The following DAB2 variants were observed in gnomAD, a reference collection of about 807,000 sequenced individuals.
The protein encoded by DAB2 is DAB adaptor protein 2, also known as disabled homolog 2.
DAB2 carries 28 observed loss-of-function variants against 71.6 expected under a neutral mutation model. The observed-to-expected ratio is 0.39, with a 90% CI of 0.29 to 0.54. The LOEUF is 0.54. Ranked by LOEUF, DAB2 falls within the 20% of genes least tolerant of loss-of-function variation. The probability of loss-of-function intolerance (pLI) is 0.68; values close to 1 mark genes in which losing one functional copy is unlikely to be tolerated. For missense variants in DAB2, 867 were observed against 928.8 expected (o/e 0.93, Z 0.86); for synonymous variants, 345 against 339.7 (o/e 1.02, Z -0.17).
At chr5:39,416,722 CA>C (rs973196526) in intron 1 of DAB2, among the ~76,000 whole-genome samples, 1 of 152,116 alleles carries the variant, frequency 6.6e-6, no homozygotes, top group Non-Finnish European at 1.5e-5. Context: ...CATTTCCTCA[CA>C]TTTGCCATGA....
In DAB2 at chr5:39,378,033, CT is replaced by C. The variant is rs1754873122; in HGVS notation, c.1505-752del. ...TCCTGCCATGTGCCATTTGCTAAACCTTGCCAGAAGTTAGAACAGAGAATTT... is the reference window on the plus strand; with the variant it reads ...TCCTGCCATGTGCCATTTGCTAAACCTGCCAGAAGTTAGAACAGAGAATTT... On this transcript the variant is annotated intron_variant, in intron 11 of 14. Coordinates refer to ENST00000320816, the MANE Select transcript of DAB2 (RefSeq NM_001343.4). 4.6e-5 allele frequency among the ~76,000 whole-genome samples: 7 copies of C among 152,168 alleles called. 1 individual carries two copies. In the South Asian group the frequency reaches 1.5e-3, roughly 32 times the overall value.
At chr5:39,385,610 C>T (rs71623809) in intron 9 of DAB2, among the ~76,000 whole-genome samples, 4 of 152,134 alleles carry the variant, frequency 2.6e-5, no homozygotes, top group Admixed American at 6.5e-5. Context: ...GTTTGAGCAC[C>T]TGAGCCGCAC....
chr5:39,417,247 G>T (rs1461901551), intron 1 of DAB2: 1 of 151,648 alleles, frequency 6.6e-6, no homozygotes, highest in Admixed American at 6.6e-5. Flanking sequence ...GTATACCTAT[G>T]TAACAAAACT....
At chr5:39,386,972 T>A (rs1377854479) in intron 9 of DAB2, among the ~76,000 whole-genome samples, 4 of 152,170 alleles carry the variant, frequency 2.6e-5, no homozygotes, top group African/African-American at 7.2e-5. Context: ...ACAAAAATTA[T>A]GAAGAATGAA....
intron 1 of DAB2, among the ~76,000 whole-genome samples, chr5:39,405,066 T>G (rs1261884153): frequency 6.6e-6 from 1 of 152,246 alleles, no homozygotes. Flanking sequence ...GTCTTCACAG[T>G]GAGAACATGT....
chr5:39,393,453 T>G (rs1316356053), intron 2 of DAB2, 60 bp from the exon 3 acceptor site: 1 of 1,538,156 alleles, frequency 6.5e-7, no homozygotes, highest in Non-Finnish European at 8.9e-7. Flanking sequence ...CCAAATATGC[T>G]CTAGACTCTC....
At chr5:39,398,431 A>T (rs62358423) in intron 1 of DAB2, among the ~76,000 whole-genome samples, 4,197 of 152,332 alleles carry the variant, frequency 0.028, 89 homozygotes, top group South Asian at 0.086. Flanking sequence ...TTTAAAGGTA[A>T]TTGATTTCCT....
At chr5:39,395,937 C>CTTTTTTTTTTTTTTTTTTTT (rs3024228) in intron 1 of DAB2, among the ~76,000 whole-genome samples, 1 of 74,858 alleles carries the variant, frequency 1.3e-5, no homozygotes. Flanking sequence ...CACAGATATT[C>CTTTTTTTTTTTTTTTTTTTT]TTTTTTTTTT....
rs758876075 is a variant in DAB2, at chr5:39,377,108, G to A, written c.1679C>T (p.Pro560Leu). 1 of 1,614,062 alleles carries A rather than the reference G, an allele frequency of 6.2e-7. No homozygotes were observed. The highest frequency in any genetic ancestry group is 1.7e-5 in the Admixed American group (1 of 60,000). The change falls in exon 12 of 15, where the codon CCC (proline) becomes CTC (leucine). Residue 560 changes from proline (P) to leucine (L), a missense_variant. By Grantham distance (98) the Pro-to-Leu change is moderately conservative (BLOSUM62 -3). Transcript: ENST00000320816. The stretch of plus-strand genomic sequence containing the variant: ...TGGAGGGGGAGTTGAGGCTGCAAAG[G>A]GTGAAGGCTGGTTCCAACCTGAAAC... The part of the protein sequence containing the change: ...PAVSGWNQPS[P>L]FAASTPPPVP...
chr5:39,392,160 T>A (rs1241442183), intron 4 of DAB2: 1 of 529,732 alleles, frequency 1.9e-6, no homozygotes, highest in East Asian at 3.5e-5. Flanking sequence ...AGATTCACAT[T>A]TATTATAGAA....
chr5:39,404,752 C>T (rs1377856402), intron 1 of DAB2, among the ~76,000 whole-genome samples: 8 of 151,952 alleles, frequency 5.3e-5, no homozygotes, highest in South Asian at 2.1e-4. Flanking sequence ...CTAATTTTTG[C>T]GTTTTTAGTA....
chr5:39,392,701 G>A (rs1378599190), intron 3 of DAB2, among the ~76,000 whole-genome samples: 1 of 152,182 alleles, frequency 6.6e-6, no homozygotes, highest in African/African-American at 2.4e-5. Context: ...CCTCAGAATA[G>A]TCACTGGTAA....
chr5:39,420,428 C>G (rs1237678323), intron 1 of DAB2, among the ~76,000 whole-genome samples: 1 of 151,808 alleles, frequency 6.6e-6, no homozygotes, highest in Non-Finnish European at 1.5e-5. Context: ...TCCTATTTAC[C>G]TGCTCCCTTT....
chr5:39,412,595 G>A (rs997307020), intron 1 of DAB2, among the ~76,000 whole-genome samples: 2 of 152,114 alleles, frequency 1.3e-5, no homozygotes, highest in Non-Finnish European at 2.9e-5. Context: ...GAGAGTAGAG[G>A]AAAATAGATT....
At chr5:39,402,066 GA>G (rs1755516353) in intron 1 of DAB2, among the ~76,000 whole-genome samples, 1 of 152,108 alleles carries the variant, frequency 6.6e-6, no homozygotes, top group Admixed American at 6.5e-5. Flanking sequence ...ACAGCCAATC[GA>G]AAAGGGAAAC....
chr5:39,408,756 A>T (rs867459612), intron 1 of DAB2: 1 of 152,224 alleles, frequency 6.6e-6, no homozygotes, highest in Non-Finnish European at 1.5e-5. Flanking sequence ...GCAGAGAACC[A>T]GCAGCCTGAC....
At chr5:39,407,780 T>C (rs142677635) in intron 1 of DAB2, among the ~76,000 whole-genome samples, 1 of 152,362 alleles carries the variant, frequency 6.6e-6, no homozygotes, top group African/African-American at 2.4e-5. Context: ...CTTGAAACTC[T>C]ATGCGGATGT....
chr5:39,392,375 T>C lies in DAB2; in HGVS notation c.320A>G (p.Glu107Gly). 6.2e-7 allele frequency: 1 copy of C among 1,613,080 alleles called. No homozygotes were observed. The highest frequency in any genetic ancestry group is 8.5e-7 in the Non-Finnish European group (1 of 1,179,042). Reference sequence around the variant, plus strand: ...AATGTGAATTCTTACCCCAGTTTTCTCATCAATTATTTTTATCCCAGAAAG... The same window carrying C: ...AATGTGAATTCTTACCCCAGTTTTCCCATCAATTATTTTTATCCCAGAAAG... ...ISLSGIKIID[E>G]KTGVIEHEHP... The change falls in exon 4 of 15, where the codon GAG (glutamate) becomes GGG (glycine). Residue 107 changes from glutamate to glycine, a missense_variant. Around this residue, in one of 2 missense-constraint regions of DAB2, gnomAD observed 127 missense variants for 194.4 expected, o/e 0.65. Coordinates refer to ENST00000320816, the MANE Select transcript of DAB2 (RefSeq NM_001343.4).
At position 39,389,157 on chromosome 5, in the gene DAB2, T is replaced by C. The variant is rs370956571; in HGVS notation, c.544-34A>G. ...AAAGATACATATTCAGTGATCTTCA[T>C]ATTCATAGTGAAAGGGAGTTAAATA... On this transcript the variant is annotated intron_variant, in intron 6 of 14. Coordinates refer to ENST00000320816, the MANE Select transcript of DAB2 (RefSeq NM_001343.4). The C allele has an allele frequency of 5.1e-6, 8 of 1,575,486 alleles. No individual in the cohort carries two copies. In the African/African-American group the frequency reaches 9.5e-5, roughly 19 times the overall value.
Sources: gnomAD v4.1 joint callset for allele counts (sites outside exome capture counted in the v4.1 genomes callset) on GRCh38, gnomAD v4.1.1 for gene constraint, gnomAD v4.1.1 regional missense constraint, MANE v1.5 for transcripts, NCBI Gene and HGNC (gene_info 2026-07-23, HGNC 2026-07-21) for gene names.